Variants in MACROD2 observed in about 807,000 individuals in gnomAD.
The protein encoded by MACROD2 is mono-ADP ribosylhydrolase 2.
A neutral mutation model predicts 70.4 loss-of-function variants in MACROD2; 36 were observed. The observed-to-expected ratio is 0.51, with a 90% confidence interval of 0.39 to 0.68. The LOEUF is 0.68. Among genes scored for constraint, MACROD2 ranks in the 30% least tolerant of loss-of-function variants. The pLI, the probability that MACROD2 is intolerant of heterozygous loss-of-function variation, is 0.00. For synonymous variants in MACROD2, 172 were observed against 178.8 expected (o/e 0.96, Z 0.30); for missense variants, 496 against 538.4 (o/e 0.92, Z 0.78).
At chr20:14,302,980 T>C (rs1180180806) in intron 3 of MACROD2, among the ~76,000 whole-genome samples, 3 of 152,124 alleles carry the variant, frequency 2.0e-5, no homozygotes, top group African/African-American at 7.2e-5. Flanking sequence ...GGTGAAAGTA[T>C]AAAATTATTT....
rs199921046 is a variant in MACROD2 at position 14,002,443 on chromosome 20, C to A, written c.163+39C>A. 8 of 1,285,554 alleles carry A rather than the reference C, an allele frequency of 6.2e-6. No homozygotes were observed. In the Admixed American group the frequency reaches 1.6e-4, roughly 26 times the overall value. The allele number at this position is 1,285,554 out of a possible 1,614,324, so 79.6% of individuals were successfully genotyped here. ...AACATTTTTTAGGTAGATATTTTTC[C>A]CATTTTAGGACAATTGTTGACAGAA... is the stretch of plus-strand genomic sequence containing the variant. On this transcript the variant is annotated intron_variant, in intron 2 of 17. Coordinates refer to ENST00000684519, the MANE Select transcript of MACROD2 (RefSeq NM_001351661.2).
chr20:15,426,231 T>C (rs1448324490), intron 6 of MACROD2, among the ~76,000 whole-genome samples: 4 of 152,202 alleles, frequency 2.6e-5, no homozygotes, highest in Admixed American at 2.6e-4. Context: ...GATTTCAGTG[T>C]TTTTGCAAAT....
chr20:14,919,429 CT>C (rs1401782389), intron 5 of MACROD2, among the ~76,000 whole-genome samples: 3 of 152,192 alleles, frequency 2.0e-5, no homozygotes, highest in Non-Finnish European at 4.4e-5. Flanking sequence ...ATGAAAATGA[CT>C]CTAATTGTTC....
chr20:14,514,230 C>A (rs1300382102), intron 4 of MACROD2, among the ~76,000 whole-genome samples: 1 of 152,066 alleles, frequency 6.6e-6, no homozygotes, highest in African/African-American at 2.4e-5. Context: ...TGTGAGCATC[C>A]CATAAATAAA....
intron 5 of MACROD2, chr20:14,884,170 T>C (rs1406548573): frequency 6.6e-6 from 1 of 152,146 alleles, no homozygotes; most frequent in Non-Finnish European, 1.5e-5. Flanking sequence ...CACAGAAAAA[T>C]CATGACAATT....
At chr20:15,421,825 A>T (rs1230556241) in intron 6 of MACROD2, among the ~76,000 whole-genome samples, 1 of 152,232 alleles carries the variant, frequency 6.6e-6, no homozygotes, top group African/African-American at 2.4e-5. Context: ...ACTGTGAACA[A>T]GCAAACAACT....
chr20:15,381,070 G>A (rs1325182397), intron 6 of MACROD2, among the ~76,000 whole-genome samples: 2 of 152,094 alleles, frequency 1.3e-5, no homozygotes, highest in Non-Finnish European at 2.9e-5. Flanking sequence ...AAGCATAAAT[G>A]TACTTCTATA....
chr20:15,739,856 T>C (rs1255130551), intron 8 of MACROD2, among the ~76,000 whole-genome samples: 1 of 152,240 alleles, frequency 6.6e-6, no homozygotes, highest in Non-Finnish European at 1.5e-5. Flanking sequence ...AGTCATCCAC[T>C]GTTCTAACCT....
intron 3 of MACROD2, among the ~76,000 whole-genome samples, chr20:14,384,948 G>T (rs907635674): frequency 6.6e-6 from 1 of 152,168 alleles, no homozygotes; most frequent in Non-Finnish European, 1.5e-5. Context: ...AGGAATGCAG[G>T]TAAGAGGAAA....
intron 5 of MACROD2, among the ~76,000 whole-genome samples, chr20:14,694,486 A>G (rs2071099090): frequency 6.6e-6 from 1 of 152,174 alleles, no homozygotes; most frequent in South Asian, 2.1e-4. Flanking sequence ...CCTCTTATAG[A>G]AGTATGGTGA....
intron 8 of MACROD2, among the ~76,000 whole-genome samples, chr20:15,587,220 C>T (rs1382793109): frequency 6.6e-6 from 1 of 152,106 alleles, no homozygotes; most frequent in Non-Finnish European, 1.5e-5. Context: ...AGTGCAAACC[C>T]CTGATAAACC....
intron 7 of MACROD2, among the ~76,000 whole-genome samples, chr20:15,438,441 CT>C (rs925736092): frequency 6.6e-6 from 1 of 152,100 alleles, no homozygotes; most frequent in Non-Finnish European, 1.5e-5. Flanking sequence ...GTGCATTGAG[CT>C]TTTTTTCATT....
At chr20:14,340,039 T>A (rs2082997384) in intron 3 of MACROD2, among the ~76,000 whole-genome samples, 1 of 152,228 alleles carries the variant, frequency 6.6e-6, no homozygotes, top group Non-Finnish European at 1.5e-5. Flanking sequence ...AACATGAGGT[T>A]ATCATGAGTT....
At chr20:15,714,886 T>G (rs2146923759) in intron 8 of MACROD2, among the ~76,000 whole-genome samples, 1 of 152,220 alleles carries the variant, frequency 6.6e-6, no homozygotes, top group African/African-American at 2.4e-5. Context: ...GTATACAAAT[T>G]GTGTATGTGT....
intron 8 of MACROD2, among the ~76,000 whole-genome samples, chr20:15,579,402 T>C (rs2048493153): frequency 6.6e-6 from 1 of 152,188 alleles, no homozygotes. Flanking sequence ...ACATCTGAAG[T>C]TTGAGAAAAT....
chr20:14,267,405 A>C (rs2082152783), intron 3 of MACROD2, among the ~76,000 whole-genome samples: 1 of 152,152 alleles, frequency 6.6e-6, no homozygotes, highest in African/African-American at 2.4e-5. Context: ...TTGGTAGGGA[A>C]GCACTGACTT....
In MACROD2 at chr20:15,729,831, C is replaced by CTTTTTTTTTTTTTTTTTTTT. The variant is rs61542762; in HGVS notation, c.646-132899_646-132898insTTTTTTTTTTTTTTTTTTTT. Among the ~76,000 whole-genome samples, 140 of 64,748 alleles carry CTTTTTTTTTTTTTTTTTTTT rather than the reference C, an allele frequency of 2.2e-3. 44 individuals carry two copies. Among genetic ancestry groups the CTTTTTTTTTTTTTTTTTTTT allele is most frequent in the East Asian group, 5.3e-3 (13 of 2,432 alleles). 42.5% of individuals were successfully genotyped at this position (64,748 alleles called of 152,430 possible). A position where few individuals can be genotyped will look rare whatever the true frequency, so the allele number is the denominator to read the frequency against. On this transcript the variant is annotated intron_variant, in intron 8 of 17. Coordinates refer to ENST00000684519, the MANE Select transcript of MACROD2 (RefSeq NM_001351661.2). ...GAACACAGCATGCAGTTGGGTCATG[C>CTTTTTTTTTTTTTTTTTTTT]TTTTTTTTTTTTTTTGGATGGAGTT...
intron 8 of MACROD2, among the ~76,000 whole-genome samples, chr20:15,640,672 A>C (rs1003221513): frequency 2.0e-5 from 3 of 152,130 alleles, no homozygotes; most frequent in Admixed American, 6.5e-5. Context: ...GGACCTGCAA[A>C]TTATTCTTGA....
intron 8 of MACROD2, among the ~76,000 whole-genome samples, chr20:15,810,099 G>A (rs939128361): frequency 6.7e-6 from 1 of 148,990 alleles, no homozygotes; most frequent in African/African-American, 2.5e-5. Flanking sequence ...CCACCTATGA[G>A]TGAGAACATG....
Sources: allele counts gnomAD v4.1 joint callset (sites outside exome capture counted in the v4.1 genomes callset), GRCh38; gene constraint gnomAD v4.1.1; transcripts MANE v1.5; gene names NCBI Gene and HGNC (gene_info 2026-07-23, HGNC 2026-07-21).